Variants in TLN2 observed in about 807,000 individuals in gnomAD.
The protein encoded by TLN2 is talin-2.
TLN2 carries 118 observed loss-of-function variants against 294.7 expected under a neutral mutation model. The observed-to-expected ratio is 0.40, with a 90% CI of 0.34 to 0.47. The LOEUF is 0.47. TLN2 is among the 20% of genes least tolerant of loss of function. TLN2 has a pLI of 0.84. For missense variants in TLN2, 3,083 were observed against 3,282.2 expected (o/e 0.94, Z 1.48); for synonymous variants, 1,431 against 1,304.5 (o/e 1.10, Z -2.09).
intron 1 of TLN2, among the ~76,000 whole-genome samples, chr15:62,415,564 G>GAT: frequency 2.0e-5 from 2 of 101,740 alleles, no homozygotes; most frequent in Admixed American, 1.3e-4. Context: ...ACAGCTAACA[G>GAT]TGCCCATTCA....
At chr15:62,524,011 G>C (rs969599221) in intron 1 of TLN2, among the ~76,000 whole-genome samples, 6 of 152,228 alleles carry the variant, frequency 3.9e-5, no homozygotes, top group South Asian at 2.1e-4. Flanking sequence ...ATTAGATGCT[G>C]CTCCTATGTC....
At chr15:62,736,797 C>G (rs2061040985) in intron 28 of TLN2, 81 bp from the exon 29 acceptor site, 3 of 1,477,214 alleles carry the variant, frequency 2.0e-6, no homozygotes, top group East Asian at 4.6e-5. Context: ...GTGCCAGGCC[C>G]TGGTCCAGAA....
chr15:62,820,457 A>G, intron 53 of TLN2, 29 bp from the exon 54 acceptor site: 1 of 1,612,190 alleles, frequency 6.2e-7, no homozygotes, highest in South Asian at 1.1e-5. Flanking sequence ...GCAGCTATGA[A>G]GAATCACCTT....
intron 1 of TLN2, among the ~76,000 whole-genome samples, chr15:62,575,688 G>GA (rs1214194700): frequency 6.6e-6 from 1 of 152,146 alleles, no homozygotes; most frequent in Non-Finnish European, 1.5e-5. Context: ...ACACTGCTTG[G>GA]AAGCACACTA....
chr15:62,652,521 G>C (rs1483436501), intron 6 of TLN2, among the ~76,000 whole-genome samples: 1 of 152,078 alleles, frequency 6.6e-6, no homozygotes, highest in Non-Finnish European at 1.5e-5. Context: ...GCTTCTGTTA[G>C]TCTCCCCAGA....
intron 1 of TLN2, among the ~76,000 whole-genome samples, chr15:62,450,022 C>G (rs1476088500): frequency 6.6e-6 from 1 of 152,132 alleles, no homozygotes; most frequent in Non-Finnish European, 1.5e-5. Context: ...CCTCACAAAC[C>G]TTCAGTAGCT....
rs888665137 is a variant in TLN2, at chr15:62,750,552, T to G, written c.4209+61T>G. On this transcript the variant is annotated intron_variant, in intron 34 of 58. Coordinates refer to ENST00000636159, the MANE Select transcript of TLN2 (RefSeq NM_015059.3). ...TTGCTTGTCAATGTGGGGAGAAGTTTAGACGTGCCTTCTGTGCATCTGCCT... is the reference window on the plus strand; with the variant it reads ...TTGCTTGTCAATGTGGGGAGAAGTTGAGACGTGCCTTCTGTGCATCTGCCT... 53 of 1,420,422 alleles carry G rather than the reference T, an allele frequency of 3.7e-5. No individual in the cohort carries two copies. The African/African-American group carries it at 7.0e-4, about 19-fold the overall frequency. The allele number at this position is 1,420,422 out of a possible 1,614,324, so 88.0% of individuals were successfully genotyped here.
intron 1 of TLN2, among the ~76,000 whole-genome samples, chr15:62,548,456 A>T (rs1208019867): frequency 6.6e-6 from 1 of 152,200 alleles, no homozygotes. Context: ...AACTGGAAAA[A>T]GACCTACTTT....
At position 62,698,746 on chromosome 15, in the gene TLN2, C is replaced by G; in HGVS notation, c.1474-8C>G. On this transcript the variant is annotated splice_polypyrimidine_tract_variant and splice_region_variant and intron_variant, in intron 15 of 58. Transcript: ENST00000636159. ...GGGATGACAGCTTTGTTTCATTTGCCTTTGCAGACCTCAGCCCAGCAGGCC... is the reference window on the plus strand; with the variant it reads ...GGGATGACAGCTTTGTTTCATTTGCGTTTGCAGACCTCAGCCCAGCAGGCC... The G allele has an allele frequency of 6.2e-7, 1 of 1,607,744 alleles. No homozygotes were observed. Among genetic ancestry groups the G allele is most frequent in the Non-Finnish European group, 8.5e-7 (1 of 1,179,266 alleles).
intron 1 of TLN2, among the ~76,000 whole-genome samples, chr15:62,520,021 A>G (rs961428358): frequency 6.6e-6 from 1 of 152,234 alleles, no homozygotes; most frequent in African/African-American, 2.4e-5. Flanking sequence ...AGAGACAGTG[A>G]GGACCAGGTG....
chr15:62,504,846 TGAGAG>T (rs2039510788), intron 1 of TLN2, among the ~76,000 whole-genome samples: 1 of 144,392 alleles, frequency 6.9e-6, no homozygotes, highest in Non-Finnish European at 1.5e-5. Context: ...TGTGTGTGTG[TGAGAG>T]AGAGAGAGAG....
At chr15:62,742,529 A>C (rs1026858878) in intron 32 of TLN2, among the ~76,000 whole-genome samples, 1 of 152,184 alleles carries the variant, frequency 6.6e-6, no homozygotes, top group African/African-American at 2.4e-5. Context: ...AGCCAGATAT[A>C]GAAGGAAACA....
rs1567616190 is a variant in TLN2 at position 62,792,711 on chromosome 15, G to A, written c.5807G>A (p.Gly1936Glu). 2 of 1,614,080 alleles carry A rather than the reference G, an allele frequency of 1.2e-6. No homozygotes were observed. The highest frequency in any genetic ancestry group is 1.7e-6 in the Non-Finnish European group (2 of 1,180,046). The change falls in exon 46 of 59, where the codon GGG becomes GAG. Residue 1936 changes from glycine to glutamate, a missense_variant. Coordinates refer to ENST00000636159, the MANE Select transcript of TLN2 (RefSeq NM_015059.3). ...TGTATCTTCCTGGTGCAGAAGGCAGGGGCCCTCCAGGTCTGCCCCACAGAC... is the reference window on the plus strand; with the variant it reads ...TGTATCTTCCTGGTGCAGAAGGCAGAGGCCCTCCAGGTCTGCCCCACAGAC... Reference protein sequence around the residue: ...HGCIFLVQKAGALQVCPTDSY... With the variant: ...HGCIFLVQKAEALQVCPTDSY...
At chr15:62,826,484 G>GC (rs1236105364) in intron 54 of TLN2, among the ~76,000 whole-genome samples, 1 of 152,170 alleles carries the variant, frequency 6.6e-6, no homozygotes, top group Non-Finnish European at 1.5e-5. Context: ...CTGAGACAAG[G>GC]CCAGCTGTCC....
chr15:62,710,876 C>T (rs1478295557), intron 21 of TLN2, among the ~76,000 whole-genome samples: 3 of 152,108 alleles, frequency 2.0e-5, no homozygotes, highest in African/African-American at 7.2e-5. Context: ...CAGGCGCCCA[C>T]CACCACGCCC....
rs796271974 is a variant in TLN2 at position 62,552,350 on chromosome 15, TAGTG to T, written c.-237-37334_-237-37331del. ...TTCCATATTTGTCAATTTGCCTACT[TAGTG>T]AGATTTATTTGTAACCTACAAATTC... On this transcript the variant is annotated intron_variant, in intron 1 of 58. Coordinates refer to ENST00000636159, the MANE Select transcript of TLN2 (RefSeq NM_015059.3). Among the ~76,000 whole-genome samples, 12 of 152,308 alleles carry T rather than the reference TAGTG, an allele frequency of 7.9e-5. 1 individual carries two copies. The highest frequency in any genetic ancestry group is 3.9e-4 in the East Asian group (2 of 5,192).
At chr15:62,474,632 C>A (rs1041823907) in intron 1 of TLN2, among the ~76,000 whole-genome samples, 11 of 152,144 alleles carry the variant, frequency 7.2e-5, no homozygotes, top group African/African-American at 2.7e-4. Flanking sequence ...GAGAGTGAGA[C>A]CCTGTCTCAA....
At chr15:62,548,032 T>C (rs1485493555) in intron 1 of TLN2, among the ~76,000 whole-genome samples, 1 of 152,206 alleles carries the variant, frequency 6.6e-6, no homozygotes, top group Non-Finnish European at 1.5e-5. Flanking sequence ...GTTGCAAACA[T>C]ATGGAGCTTC....
chr15:62,762,133 G>A, intron 38 of TLN2, 139 bp from the exon 39 acceptor site: 1 of 1,048,208 alleles, frequency 9.5e-7, no homozygotes, highest in East Asian at 2.4e-5. Context: ...TGGTAATCCA[G>A]TCTTCATGGT....
Sources: allele counts gnomAD v4.1 joint callset (sites outside exome capture counted in the v4.1 genomes callset), GRCh38; gene constraint gnomAD v4.1.1; transcripts MANE v1.5; gene names NCBI Gene and HGNC (gene_info 2026-07-23, HGNC 2026-07-21).